Variants in MNAT1 observed in about 807,000 individuals in gnomAD.
The protein encoded by MNAT1 is CDK-activating kinase assembly factor MAT1.
In MNAT1, 43 loss-of-function variants were observed where a neutral mutation model predicts 42.0. The ratio of observed to expected loss-of-function variants is 1.02; its 90% CI spans 0.80 to 1.32. MNAT1 has a LOEUF of 1.32. Among genes scored for constraint, MNAT1 ranks in the 40% most tolerant of loss-of-function variants. The pLI, the probability that MNAT1 is intolerant of heterozygous loss-of-function variation, is 0.00. For synonymous variants in MNAT1, 118 were observed against 120.0 expected (o/e 0.98, Z 0.11); for missense variants, 306 against 350.4 (o/e 0.87, Z 1.01).
At chr14:60,851,196 C>T (rs777693639) in intron 6 of MNAT1, among the ~76,000 whole-genome samples, 2 of 152,162 alleles carry the variant, frequency 1.3e-5, no homozygotes, top group Non-Finnish European at 2.9e-5. Flanking sequence ...TGGATGAACT[C>T]ATCCAAGTTA....
intron 6 of MNAT1, among the ~76,000 whole-genome samples, chr14:60,825,718 A>T (rs2033036414): frequency 1.3e-5 from 2 of 152,204 alleles, no homozygotes. Flanking sequence ...TCATTTAATT[A>T]ATGAAAATAT....
intron 7 of MNAT1, among the ~76,000 whole-genome samples, chr14:60,963,697 T>G (rs1014645628): frequency 6.6e-6 from 1 of 152,180 alleles, no homozygotes; most frequent in Non-Finnish European, 1.5e-5. Context: ...CATGATGGCT[T>G]TAAATGAAGA....
intron 7 of MNAT1, among the ~76,000 whole-genome samples, chr14:60,903,222 A>T (rs2035110191): frequency 6.6e-6 from 1 of 152,002 alleles, no homozygotes; most frequent in Non-Finnish European, 1.5e-5. Context: ...CTTCACATTT[A>T]ATTTTATTGA....
chr14:60,806,347 G>A (rs2032368190), intron 3 of MNAT1, among the ~76,000 whole-genome samples: 1 of 152,188 alleles, frequency 6.6e-6, no homozygotes, highest in South Asian at 2.1e-4. Context: ...TGTTGTTCTG[G>A]GTTGAGGTTG....
intron 7 of MNAT1, among the ~76,000 whole-genome samples, chr14:60,936,600 C>T (rs967639073): frequency 3.3e-5 from 5 of 152,032 alleles, no homozygotes; most frequent in Non-Finnish European, 5.9e-5. Context: ...GTATATGTGC[C>T]ACATTTTCTT....
intron 1 of MNAT1, among the ~76,000 whole-genome samples, chr14:60,768,214 TG>T (rs879868544): frequency 6.6e-6 from 1 of 152,212 alleles, no homozygotes; most frequent in Non-Finnish European, 1.5e-5. Flanking sequence ...TTTAGTTTTT[TG>T]AATTATGGCT....
intron 7 of MNAT1, among the ~76,000 whole-genome samples, chr14:60,942,789 A>G (rs759358621): frequency 1.6e-4 from 24 of 152,298 alleles, no homozygotes; most frequent in Non-Finnish European, 3.4e-4. Flanking sequence ...AAAGTAAGCA[A>G]GAAATAAGCC....
At chr14:60,948,741 C>G (rs2036328535) in intron 7 of MNAT1, among the ~76,000 whole-genome samples, 1 of 152,158 alleles carries the variant, frequency 6.6e-6, no homozygotes, top group Non-Finnish European at 1.5e-5. Flanking sequence ...TAGCACTTAA[C>G]ATAGTAGTTG....
At chr14:60,754,309 AT>A (rs1188118386) in intron 1 of MNAT1, among the ~76,000 whole-genome samples, 10 of 129,576 alleles carry the variant, frequency 7.7e-5, no homozygotes, top group African/African-American at 1.1e-4. Context: ...TAGGGATTTT[AT>A]TTTTTTTTTA....
intron 1 of MNAT1, among the ~76,000 whole-genome samples, chr14:60,741,931 A>G (rs1896480725): frequency 6.6e-6 from 1 of 151,720 alleles, no homozygotes; most frequent in Non-Finnish European, 1.5e-5. Context: ...CATTATATCT[A>G]ATTATTGATA....
At chr14:60,913,460 A>G (rs1377313123) in intron 7 of MNAT1, among the ~76,000 whole-genome samples, 1 of 151,914 alleles carries the variant, frequency 6.6e-6, no homozygotes, top group African/African-American at 2.4e-5. Flanking sequence ...TTGTGGTTTT[A>G]TCTACCTTGG....
intron 7 of MNAT1, among the ~76,000 whole-genome samples, chr14:60,961,515 G>A (rs916382786): frequency 6.6e-6 from 1 of 151,946 alleles, no homozygotes; most frequent in Non-Finnish European, 1.5e-5. Context: ...TTATCTCTTT[G>A]GATCTAAGCT....
Position 60,914,266 on chromosome 14 carries a change from C to T in MNAT1, c.809+34431C>T, listed in dbSNP as rs531577640. On this transcript the variant is annotated intron_variant, in intron 7 of 7. Coordinates refer to ENST00000261245, the MANE Select transcript of MNAT1 (RefSeq NM_002431.4). ...GGAAAGGGAATTCCCTGACCCCTTG[C>T]GCTTCCCGGGTGAGGCGATGCCTTG... Among the ~76,000 whole-genome samples the T allele has an allele frequency of 1.4e-3, 217 of 152,354 alleles. 2 individuals carry two copies. The highest frequency in any genetic ancestry group is 2.4e-3 in the African/African-American group (101 of 41,584).
chr14:60,866,483 G>T (rs2034205567), intron 6 of MNAT1, among the ~76,000 whole-genome samples: 1 of 151,946 alleles, frequency 6.6e-6, no homozygotes, highest in Non-Finnish European at 1.5e-5. Flanking sequence ...GACTAGCTTA[G>T]TTCCTTTCCT....
intron 7 of MNAT1, among the ~76,000 whole-genome samples, chr14:60,907,618 T>TA (rs965849169): frequency 8.0e-5 from 12 of 150,488 alleles, no homozygotes; most frequent in Admixed American, 5.3e-4. Flanking sequence ...CTGTCTCTAT[T>TA]AAAAAAATAC....
intron 1 of MNAT1, among the ~76,000 whole-genome samples, chr14:60,736,888 T>G (rs1896324229): frequency 6.6e-6 from 1 of 152,172 alleles, no homozygotes; most frequent in South Asian, 2.1e-4. Context: ...TTATTATTAT[T>G]CTTTGTGTGG....
rs758885519 is a variant in MNAT1, at chr14:60,796,336, A to T, written c.209A>T (p.Lys70Met). 6.8e-6 allele frequency: 11 copies of T among 1,613,550 alleles called. No homozygotes were observed. In the South Asian group the frequency reaches 7.7e-5, roughly 11 times the overall value. The change falls in exon 2 of 8, where the codon AAG (lysine) becomes ATG (methionine). Residue 70 changes from lysine (K) to methionine (M), a missense_variant. Coordinates refer to ENST00000261245, the MANE Select transcript of MNAT1 (RefSeq NM_002431.4). Reference sequence around the variant, plus strand: ...CTCTTTGAAGATCCCACTGTTGACAAGGAGGTTGAGATCAGGAAAAAAGTG... The same window carrying T: ...CTCTTTGAAGATCCCACTGTTGACATGGAGGTTGAGATCAGGAAAAAAGTG... ...VQLFEDPTVD[K>M]EVEIRKKVLK...
Position 60,740,601 on chromosome 14 carries a change from T to C in MNAT1, c.89+5650T>C, listed in dbSNP as rs564616672. Reference sequence around the variant, plus strand: ...ATCTTATTCAGTACCTTTGTGCAAATTGGGAAACAGAGCCCCCTCTGGGTA... The same window carrying C: ...ATCTTATTCAGTACCTTTGTGCAAACTGGGAAACAGAGCCCCCTCTGGGTA... On this transcript the variant is annotated intron_variant, in intron 1 of 7. Coordinates refer to ENST00000261245, the MANE Select transcript of MNAT1 (RefSeq NM_002431.4). This position sits in a 1 kb window ranked among gnomAD's most constrained non-coding sequence, Gnocchi z 4.1. 6.6e-6 allele frequency among the ~76,000 whole-genome samples: 1 copy of C among 152,186 alleles called. No individual in the cohort carries two copies. The highest frequency in any genetic ancestry group is 2.4e-5 in the African/African-American group (1 of 41,452).
At chr14:60,867,348 T>C (rs2034227818) in intron 6 of MNAT1, among the ~76,000 whole-genome samples, 1 of 152,110 alleles carries the variant, frequency 6.6e-6, no homozygotes, top group African/African-American at 2.4e-5. Flanking sequence ...GTAATCTAAC[T>C]ATTAGGCATC....
Sources: allele counts gnomAD v4.1 joint callset (sites outside exome capture counted in the v4.1 genomes callset), GRCh38; gene constraint gnomAD v4.1.1; non-coding constraint Gnocchi (gnomAD v3.1); transcripts MANE v1.5; gene names NCBI Gene and HGNC (gene_info 2026-07-23, HGNC 2026-07-21).